Variants in PLRG1 observed in about 807,000 individuals in gnomAD.
The protein encoded by PLRG1 is pleiotropic regulator 1 (PRL1 homolog, Arabidopsis).
Under a neutral mutation model 74.9 loss-of-function variants are expected in PLRG1, and 28 were observed. The ratio of observed to expected loss-of-function variants is 0.37; its 90% CI spans 0.28 to 0.51. PLRG1 has a LOEUF of 0.51. Among genes scored for constraint, PLRG1 ranks in the 20% least tolerant of loss-of-function variants. PLRG1 has a pLI of 0.91. For synonymous variants in PLRG1, 197 were observed against 212.4 expected, an observed-to-expected ratio of 0.93 and a Z score of 0.63; for missense variants, 445 against 631.9, an observed-to-expected ratio of 0.70 and a Z score of 3.17.
intron 13 of PLRG1, 103 bp from the exon 14 acceptor site, chr4:154,537,582 T>C (rs1729474290): frequency 1.4e-6 from 1 of 720,030 alleles, no homozygotes; most frequent in South Asian, 1.9e-5. Context: ...ACTACGGTTA[T>C]AAAAATACAT....
chr4:154,543,975 A>T (rs1326831985), intron 7 of PLRG1: 2 of 154,490 alleles, frequency 1.3e-5, no homozygotes, highest in Non-Finnish European at 2.9e-5. Flanking sequence ...TCCTTGTGGA[A>T]GGGCCATGCT....
intron 14 of PLRG1, among the ~76,000 whole-genome samples, chr4:154,537,030 A>C (rs1729464174): frequency 6.6e-6 from 1 of 152,098 alleles, no homozygotes; most frequent in Non-Finnish European, 1.5e-5. Context: ...TTTACATAGC[A>C]ATCTATTTAT....
chr4:154,543,669 A>G (rs1214118838), intron 7 of PLRG1, among the ~76,000 whole-genome samples: 1 of 152,322 alleles, frequency 6.6e-6, no homozygotes, highest in East Asian at 1.9e-4. Context: ...TAACATCTAT[A>G]TCCTAATTGT....
At chr4:154,549,068 C>T in intron 1 of PLRG1, 133 bp from the exon 2 acceptor site, 2 of 651,716 alleles carry the variant, frequency 3.1e-6, no homozygotes, top group Non-Finnish European at 5.6e-6. Context: ...CTACTTGTTG[C>T]AAGCTACAGG....
intron 4 of PLRG1, 24 bp from the exon 5 acceptor site, chr4:154,546,237 C>A: frequency 1.7e-6 from 2 of 1,192,036 alleles, no homozygotes. Context: ...AAATCAACTT[C>A]TTTTAGTAGC....
At position 154,547,812 on chromosome 4, in the gene PLRG1, C is replaced by G; in HGVS notation, c.158G>C (p.Gly53Ala). The G allele has an allele frequency of 8.1e-6, 13 of 1,611,396 alleles. No homozygotes were observed. Among genetic ancestry groups the G allele is most frequent in the Non-Finnish European group, 1.0e-5 (12 of 1,178,384 alleles). ...TGAAGTAGGCATATGCAACACAGGA[C>G]CATACTCATTACGAAGCTTGATTGC... Reference protein sequence around the residue: ...KMAIKLRNEYGPVLHMPTSKE... With the variant: ...KMAIKLRNEYAPVLHMPTSKE... The change falls in exon 3 of 15, where the codon GGT (glycine) becomes GCT (alanine). Residue 53 changes from glycine (G) to alanine (A), a missense_variant. Transcript: ENST00000499023.
intron 1 of PLRG1, chr4:154,549,266 G>T: frequency 2.8e-6 from 1 of 363,404 alleles, no homozygotes. Flanking sequence ...TGCTCAAGAG[G>T]AAACAGACAA....
intron 1 of PLRG1, chr4:154,549,857 C>A (rs771824511): frequency 4.6e-6 from 2 of 437,494 alleles, no homozygotes; most frequent in Non-Finnish European, 9.2e-6. Context: ...GTTGGCTGTT[C>A]ATGCCAGGGA....
intron 7 of PLRG1, among the ~76,000 whole-genome samples, chr4:154,543,202 C>T (rs6829092): frequency 0.21 from 31,777 of 152,014 alleles, 3,837 homozygotes; most frequent in East Asian, 0.55. Context: ...GGCTGGAGTG[C>T]AGTGGCGTGA....
At position 154,546,209 on chromosome 4, in the gene PLRG1, A is replaced by G. The variant is rs758595937; in HGVS notation, c.318T>C (p.Val106=). ...GTHPYPPGPG[V]ALTADTKIQR... ...GGATCTTAGTATCTGCTGTCAAAGC[A>G]ACCCCTATTAAAATGAAAAATCAAC... Residue 106 remains valine (V), a synonymous_variant, in exon 5 of 15, where the codon GTT becomes GTC. Coordinates refer to ENST00000499023, the MANE Select transcript of PLRG1 (RefSeq NM_002669.4). 5 of 1,572,592 alleles carry G rather than the reference A, an allele frequency of 3.2e-6. No individual in the cohort carries two copies. In the East Asian group the frequency reaches 9.0e-5, roughly 28 times the overall value.
At chr4:154,546,032 G>C in intron 5 of PLRG1, 91 bp downstream of exon 5, 3 of 1,088,272 alleles carry the variant, frequency 2.8e-6, no homozygotes, top group Non-Finnish European at 4.1e-6. Flanking sequence ...AAAGGAAAAT[G>C]TCATATAATA....
chr4:154,538,605 G>A (rs1729498388), intron 12 of PLRG1, among the ~76,000 whole-genome samples: 1 of 151,912 alleles, frequency 6.6e-6, no homozygotes, highest in African/African-American at 2.4e-5. Context: ...AAGAGGAAAG[G>A]AAGGAGAGGA....
At chr4:154,543,840 A>T (rs1466247592) in intron 7 of PLRG1, 7 of 152,236 alleles carry the variant, frequency 4.6e-5, no homozygotes. Flanking sequence ...TTTCTTTTTT[A>T]AAATTTTCTG....
intron 6 of PLRG1, among the ~76,000 whole-genome samples, chr4:154,545,036 A>C (rs7679991): frequency 0.29 from 43,421 of 152,098 alleles, 6,404 homozygotes; most frequent in Middle Eastern, 0.36. Context: ...ACAATATTTA[A>C]ATACTATTTT....
intron 3 of PLRG1, among the ~76,000 whole-genome samples, chr4:154,547,308 T>A (rs1384177766): frequency 6.6e-6 from 1 of 152,150 alleles, no homozygotes; most frequent in Non-Finnish European, 1.5e-5. Context: ...GACAATCCAC[T>A]CTGGTATTTC....
intron 11 of PLRG1, among the ~76,000 whole-genome samples, chr4:154,539,525 A>G (rs934211248): frequency 6.6e-6 from 1 of 152,102 alleles, no homozygotes; most frequent in African/African-American, 2.4e-5. Flanking sequence ...AGTTAATAAA[A>G]TACATCAGGC....
intron 2 of PLRG1, among the ~76,000 whole-genome samples, 175 bp downstream of exon 2, chr4:154,548,654 T>C (rs913906465): frequency 1.3e-5 from 2 of 152,054 alleles, no homozygotes; most frequent in African/African-American, 2.4e-5. Context: ...GAACTTTTAC[T>C]GTAAAAGGCC....
intron 12 of PLRG1, 52 bp from the exon 13 acceptor site, chr4:154,538,160 G>C (rs938866661): frequency 3.9e-6 from 4 of 1,020,382 alleles, no homozygotes; most frequent in Non-Finnish European, 5.6e-6. Flanking sequence ...GTTAAATAAA[G>C]TGGTGGGTTT....
At chr4:154,547,644 C>T (rs1729682514) in intron 3 of PLRG1, 67 bp downstream of exon 3, 1 of 1,429,032 alleles carries the variant, frequency 7.0e-7, no homozygotes. Context: ...GCAAAAATAA[C>T]ATATTTTATT....
Sources: allele counts gnomAD v4.1 joint callset (sites outside exome capture counted in the v4.1 genomes callset), GRCh38; gene constraint gnomAD v4.1.1; transcripts MANE v1.5; gene names NCBI Gene and HGNC (gene_info 2026-07-23, HGNC 2026-07-21).